Variants in MUSK observed in about 807,000 individuals in gnomAD.
The protein encoded by MUSK is muscle associated receptor tyrosine kinase.
MUSK carries 55 observed loss-of-function variants against 88.7 expected under a neutral mutation model. The observed-to-expected ratio is 0.62, with a 90% confidence interval of 0.50 to 0.78. The LOEUF is 0.78. Among genes scored for constraint, MUSK ranks in the 30% least tolerant of loss-of-function variants. The pLI is 0.00. For synonymous variants in MUSK, 387 were observed against 391.9 expected (o/e 0.99, Z 0.15); for missense variants, 1,015 against 1,074.3 (o/e 0.94, Z 0.77).
chr9:110,707,731 C>A (rs539879716), intron 5 of MUSK, among the ~76,000 whole-genome samples: 1 of 152,130 alleles, frequency 6.6e-6, no homozygotes, highest in African/African-American at 2.4e-5. Context: ...AGAAGCAGAA[C>A]AAAAAGAAGA....
chr9:110,772,327 CCT>C (rs1564282233), intron 9 of MUSK, among the ~76,000 whole-genome samples: 1 of 151,408 alleles, frequency 6.6e-6, no homozygotes, highest in Non-Finnish European at 1.5e-5. Flanking sequence ...GAAAAAAATC[CCT>C]TTCATTGAAA....
intron 6 of MUSK, among the ~76,000 whole-genome samples, chr9:110,737,670 C>A (rs1180060925): frequency 6.6e-6 from 1 of 152,078 alleles, no homozygotes; most frequent in East Asian, 1.9e-4. Context: ...AGTTGAGATG[C>A]AAGTCTTTCT....
At chr9:110,686,758 T>A (rs1268798747) in intron 2 of MUSK, among the ~76,000 whole-genome samples, 1 of 152,164 alleles carries the variant, frequency 6.6e-6, no homozygotes, top group Non-Finnish European at 1.5e-5. Flanking sequence ...ATATGCATGT[T>A]CTTTATCTAT....
At chr9:110,720,929 G>A (rs761575727) in intron 5 of MUSK, among the ~76,000 whole-genome samples, 2 of 151,954 alleles carry the variant, frequency 1.3e-5, no homozygotes, top group Non-Finnish European at 2.9e-5. Flanking sequence ...ATGCAGGGAT[G>A]GTTTAACATA....
At chr9:110,716,680 G>A (rs1017274993) in intron 5 of MUSK, among the ~76,000 whole-genome samples, 1 of 149,802 alleles carries the variant, frequency 6.7e-6, no homozygotes, top group African/African-American at 2.5e-5. Context: ...CTTCACAGGG[G>A]ACATTCACGA....
At chr9:110,715,850 C>G in intron 5 of MUSK, among the ~76,000 whole-genome samples, 1 of 149,018 alleles carries the variant, frequency 6.7e-6, no homozygotes, top group African/African-American at 2.6e-5. Flanking sequence ...AAGCCATTAT[C>G]CTCAGCAAAC....
chr9:110,762,626 C>T (rs1203437283), intron 8 of MUSK, among the ~76,000 whole-genome samples: 1 of 152,008 alleles, frequency 6.6e-6, no homozygotes, highest in East Asian at 1.9e-4. Context: ...AAGTGGCTTA[C>T]ACAGCCAGTA....
intron 7 of MUSK, among the ~76,000 whole-genome samples, chr9:110,751,501 G>A (rs2077247381): frequency 6.6e-6 from 1 of 152,236 alleles, no homozygotes; most frequent in Non-Finnish European, 1.5e-5. Context: ...AGATTGGCAT[G>A]TGGCAGCAGA....
rs544827724 is a variant in MUSK, at chr9:110,694,399, A to C, written c.359-1004A>C. ...AGACTCCGTCTCAAAAAAAAAAAAA[A>C]AAAAAAACAAAAAAACAAAACCCAA... On this transcript the variant is annotated intron_variant, in intron 3 of 14. Coordinates refer to ENST00000374448, the MANE Select transcript of MUSK (RefSeq NM_005592.4). Among the ~76,000 whole-genome samples, 733 of 139,536 alleles carry C rather than the reference A, an allele frequency of 5.3e-3. 2 individuals are homozygous for C. The highest frequency in any genetic ancestry group is 0.013 in the African/African-American group (479 of 37,490). The allele number at this position is 139,536 out of a possible 152,430, so 91.5% of individuals were successfully genotyped here. A position where few individuals can be genotyped will look rare whatever the true frequency, so the allele number is the denominator to read the frequency against.
At chr9:110,790,295 A>T (rs528259353) in intron 14 of MUSK, among the ~76,000 whole-genome samples, 2 of 152,134 alleles carry the variant, frequency 1.3e-5, no homozygotes, top group Non-Finnish European at 2.9e-5. Flanking sequence ...TGAGCTCAAA[A>T]GAAGAGGAAG....
intron 9 of MUSK, among the ~76,000 whole-genome samples, chr9:110,768,393 G>C (rs1233039667): frequency 6.6e-6 from 1 of 152,198 alleles, no homozygotes; most frequent in African/African-American, 2.4e-5. Flanking sequence ...CTACTCGGGA[G>C]GCTGAGGCAG....
At chr9:110,680,626 T>C (rs1285254996) in intron 1 of MUSK, among the ~76,000 whole-genome samples, 1 of 151,962 alleles carries the variant, frequency 6.6e-6, no homozygotes, top group Non-Finnish European at 1.5e-5. Flanking sequence ...GCTCAAGTGA[T>C]CTGCCCTCCT....
chr9:110,671,910 T>TAC (rs1178784351), intron 1 of MUSK, among the ~76,000 whole-genome samples: 1 of 152,204 alleles, frequency 6.6e-6, no homozygotes, highest in African/African-American at 2.4e-5. Flanking sequence ...CCCGACTTAC[T>TAC]ACAATACGTT....
At chr9:110,672,720 C>A (rs1463392753) in intron 1 of MUSK, among the ~76,000 whole-genome samples, 1 of 152,010 alleles carries the variant, frequency 6.6e-6, no homozygotes, top group African/African-American at 2.4e-5. Context: ...CAAGTCAGAG[C>A]CCTAATTTTA....
At chr9:110,767,757 A>C in intron 8 of MUSK, 63 bp from the exon 9 acceptor site, 2 of 1,593,516 alleles carry the variant, frequency 1.3e-6, no homozygotes, top group Non-Finnish European at 1.7e-6. Context: ...AAAAAAAAAG[A>C]AAAGCAGAAT....
chr9:110,799,819 G>T (rs2078064191), intron 14 of MUSK, among the ~76,000 whole-genome samples: 1 of 152,188 alleles, frequency 6.6e-6, no homozygotes. Flanking sequence ...GTTACTGGAA[G>T]GATCAGGAGC....
intron 5 of MUSK, among the ~76,000 whole-genome samples, chr9:110,725,962 G>C (rs2076878045): frequency 6.6e-6 from 1 of 151,956 alleles, no homozygotes; most frequent in African/African-American, 2.4e-5. Context: ...TAGGACTACT[G>C]TTTGAGCTCG....
chr9:110,768,612 C>A lies in MUSK; in HGVS notation c.1184+529C>A, dbSNP rs7038504. The stretch of plus-strand genomic sequence containing the variant: ...AAAATATCATAAATGGTGTAATATT[C>A]CATTACTCTTGTTATTGTTCACATT... On this transcript the variant is annotated intron_variant, in intron 9 of 14. Coordinates refer to ENST00000374448, the MANE Select transcript of MUSK (RefSeq NM_005592.4). 6.3e-3 allele frequency among the ~76,000 whole-genome samples: 956 copies of A among 152,212 alleles called. 9 individuals carry two copies. Among genetic ancestry groups the A allele is most frequent in the African/African-American group, 0.022 (921 of 41,534 alleles).
intron 9 of MUSK, among the ~76,000 whole-genome samples, chr9:110,774,106 T>C (rs919167847): frequency 9.2e-5 from 14 of 152,318 alleles, no homozygotes; most frequent in African/African-American, 3.1e-4. Context: ...TTATTTGATT[T>C]TGAACTTCTT....
Sources: allele counts gnomAD v4.1 joint callset (sites outside exome capture counted in the v4.1 genomes callset), GRCh38; gene constraint gnomAD v4.1.1; transcripts MANE v1.5; gene names NCBI Gene and HGNC (gene_info 2026-07-23, HGNC 2026-07-21).